Variants in TMEM117 observed in about 807,000 individuals in gnomAD.
TMEM117 encodes the protein transmembrane protein 117.
TMEM117 carries 27 observed loss-of-function variants against 52.4 expected under a neutral mutation model. That is an observed-to-expected ratio of 0.51 (90% CI 0.38 to 0.71). The LOEUF is 0.71. Ranked by LOEUF, TMEM117 falls within the 30% of genes least tolerant of loss-of-function variation. The pLI, the probability that TMEM117 is intolerant of heterozygous loss-of-function variation, is 0.00. For missense variants in TMEM117, 556 were observed against 630.5 expected, an observed-to-expected ratio of 0.88 and a Z score of 1.26; for synonymous variants, 215 against 206.3, an observed-to-expected ratio of 1.04 and a Z score of -0.36.
At chr12:44,254,570 T>C (rs1009374031) in intron 5 of TMEM117, among the ~76,000 whole-genome samples, 8 of 152,028 alleles carry the variant, frequency 5.3e-5, no homozygotes, top group African/African-American at 1.9e-4. Flanking sequence ...TTTTATAATA[T>C]GGAAAATATC....
At chr12:43,934,473 A>G (rs1479585532) in intron 2 of TMEM117, among the ~76,000 whole-genome samples, 1 of 152,102 alleles carries the variant, frequency 6.6e-6, no homozygotes, top group Non-Finnish European at 1.5e-5. Context: ...TTATTTAGTA[A>G]TTTTACTAAA....
At chr12:43,869,399 C>T (rs1481904702) in intron 2 of TMEM117, among the ~76,000 whole-genome samples, 1 of 152,152 alleles carries the variant, frequency 6.6e-6, no homozygotes, top group Non-Finnish European at 1.5e-5. Context: ...ACTTACCTGT[C>T]AGAGATGTGA....
At chr12:44,118,048 AC>A (rs762100842) in intron 3 of TMEM117, among the ~76,000 whole-genome samples, 69 of 152,074 alleles carry the variant, frequency 4.5e-4, no homozygotes, top group Middle Eastern at 3.4e-3. Flanking sequence ...TAAAAAAAAA[AC>A]ACGTACAGAG....
At chr12:44,218,969 G>A (rs1949754924) in intron 5 of TMEM117, among the ~76,000 whole-genome samples, 1 of 152,160 alleles carries the variant, frequency 6.6e-6, no homozygotes, top group Non-Finnish European at 1.5e-5. Flanking sequence ...GCACAGTACT[G>A]CACTGTATGG....
rs528552961 is a variant in TMEM117, at chr12:44,128,626, G to T, written c.411-14899G>T. Reference sequence around the variant, plus strand: ...TAAGTGGCTTTTCTTTCAGGGCTGGGTATGCTCCTAAGCTTCTTGTTCCTG... The same window carrying T: ...TAAGTGGCTTTTCTTTCAGGGCTGGTTATGCTCCTAAGCTTCTTGTTCCTG... On this transcript the variant is annotated intron_variant, in intron 3 of 7. Transcript: ENST00000266534. Among the ~76,000 whole-genome samples the T allele has an allele frequency of 3.3e-5, 5 of 152,230 alleles. No homozygotes were observed. The South Asian group carries it at 1.0e-3, about 32-fold the overall frequency.
At chr12:44,211,810 T>C (rs1255463661) in intron 5 of TMEM117, among the ~76,000 whole-genome samples, 1 of 152,232 alleles carries the variant, frequency 6.6e-6, no homozygotes, top group Non-Finnish European at 1.5e-5. Flanking sequence ...TTGGCATTTC[T>C]TCTTTATGTA....
At chr12:44,322,866 G>A in intron 6 of TMEM117, among the ~76,000 whole-genome samples, 1 of 152,058 alleles carries the variant, frequency 6.6e-6, no homozygotes, top group East Asian at 1.9e-4. Flanking sequence ...CCAGGATCCT[G>A]CAAATATGTT....
intron 6 of TMEM117, among the ~76,000 whole-genome samples, chr12:44,321,768 A>G (rs1324877570): frequency 1.3e-5 from 2 of 152,216 alleles, no homozygotes; most frequent in African/African-American, 4.8e-5. Flanking sequence ...TTAGAAAAAT[A>G]ACAACTATGT....
chr12:44,122,829 G>A (rs1948259701), intron 3 of TMEM117, among the ~76,000 whole-genome samples: 1 of 152,094 alleles, frequency 6.6e-6, no homozygotes, highest in African/African-American at 2.4e-5. Context: ...GGGCATTTAG[G>A]TTGATTCCCT....
chr12:44,164,547 C>T (rs1431015650), intron 4 of TMEM117, among the ~76,000 whole-genome samples: 1 of 152,046 alleles, frequency 6.6e-6, no homozygotes, highest in Non-Finnish European at 1.5e-5. Context: ...AGAAACTATA[C>T]TTTCATGAGG....
downstream of TMEM117, chr12:44,389,760 T>G (rs1452502677): frequency 6.6e-6 from 1 of 152,236 alleles, no homozygotes; most frequent in Non-Finnish European, 1.5e-5. Flanking sequence ...TATACAGCAG[T>G]GATTATGTGA....
At chr12:43,997,590 T>C (rs938628917) in intron 3 of TMEM117, among the ~76,000 whole-genome samples, 1 of 152,216 alleles carries the variant, frequency 6.6e-6, no homozygotes, top group Non-Finnish European at 1.5e-5. Flanking sequence ...TAAGAACACC[T>C]TATGTAGAAC....
chr12:44,243,256 G>A lies in TMEM117; in HGVS notation c.608+31869G>A, dbSNP rs541354145. Among the ~76,000 whole-genome samples, 9 of 151,698 alleles carry A rather than the reference G, an allele frequency of 5.9e-5. No homozygotes were observed. The South Asian group carries it at 1.9e-3, about 32-fold the overall frequency. ...GAATCTCTCTTGTATTTATTTGTAT[G>A]TTACCTTTTCAATGATAGCATTATC... On this transcript the variant is annotated intron_variant, in intron 5 of 7. Transcript: ENST00000266534.
intron 3 of TMEM117, among the ~76,000 whole-genome samples, chr12:43,974,570 A>C (rs1379881220): frequency 6.6e-6 from 1 of 152,088 alleles, no homozygotes; most frequent in Admixed American, 6.6e-5. Context: ...TAGTGAGAAG[A>C]CTGCTCCTTG....
At chr12:44,360,277 T>C (rs966047759) in intron 6 of TMEM117, among the ~76,000 whole-genome samples, 13 of 152,114 alleles carry the variant, frequency 8.5e-5, no homozygotes, top group African/African-American at 3.1e-4. Flanking sequence ...CCAAAGTGAT[T>C]ACCTCAAGAG....
chr12:44,158,536 C>T (rs1055410301), intron 4 of TMEM117, among the ~76,000 whole-genome samples: 1 of 152,136 alleles, frequency 6.6e-6, no homozygotes, highest in Non-Finnish European at 1.5e-5. Context: ...CTTGACAAGA[C>T]TCCACACAAA....
chr12:44,108,564 CATGGTGTATAT>C (rs1256717888), intron 3 of TMEM117, among the ~76,000 whole-genome samples: 1 of 91,214 alleles, frequency 1.1e-5, no homozygotes, highest in Non-Finnish European at 1.9e-5. Flanking sequence ...CATAGTATTC[CATGGTGTATAT>C]ATGCCACATT....
rs187903047 is a variant in TMEM117 at position 43,980,589 on chromosome 12, C to T, written c.410+36247C>T. ...ATAATTCCCTTAAACTTGGAAATCC[C>T]GAGTGGGCACCAATGACTTACTGAC... On this transcript the variant is annotated intron_variant, in intron 3 of 7. Transcript: ENST00000266534. Among the ~76,000 whole-genome samples, 346 of 152,240 alleles carry T rather than the reference C, an allele frequency of 2.3e-3. 1 individual carries two copies. The highest frequency in any genetic ancestry group is 3.4e-3 in the Non-Finnish European group (234 of 68,028).
chr12:44,123,654 G>T (rs1948274196), intron 3 of TMEM117, among the ~76,000 whole-genome samples: 1 of 152,138 alleles, frequency 6.6e-6, no homozygotes, highest in South Asian at 2.1e-4. Flanking sequence ...TTACTAAATA[G>T]GGAATCCTTT....
Sources: gnomAD v4.1 joint callset for allele counts (sites outside exome capture counted in the v4.1 genomes callset) on GRCh38, gnomAD v4.1.1 for gene constraint, MANE v1.5 for transcripts, NCBI Gene and HGNC (gene_info 2026-07-23, HGNC 2026-07-21) for gene names.